Variants in USH2A observed in about 807,000 individuals in gnomAD.
USH2A encodes the protein usherin.
USH2A carries 443 observed loss-of-function variants against 538.9 expected under a neutral mutation model. The ratio of observed to expected loss-of-function variants is 0.82; its 90% CI spans 0.76 to 0.89. The LOEUF is 0.89. Among genes scored for constraint, USH2A ranks in the 40% least tolerant of loss-of-function variants. The pLI is 0.00. For missense variants in USH2A, 6,633 were observed against 6,324.8 expected, an observed-to-expected ratio of 1.05 and a Z score of -1.65; for synonymous variants, 2,413 against 2,273.5, an observed-to-expected ratio of 1.06 and a Z score of -1.75.
rs1656170350 is a variant in USH2A, at chr1:215,629,030, T to C, written c.15303A>G (p.Leu5101=). Reference sequence around the variant, plus strand: ...CAGACCGGGGAATTTTGGTATCGGCTAACCCCTGAGAAGGAAGTTGCTGTG... The same window carrying C: ...CAGACCGGGGAATTTTGGTATCGGCCAACCCCTGAGAAGGAAGTTGCTGTG... The part of the protein sequence containing the change: ...VYPPGENHMG[L]ADTKIPRSGT... Residue 5101 remains leucine, a synonymous_variant, in exon 71 of 72, where the codon TTA becomes TTG. Coordinates refer to ENST00000307340, the MANE Select transcript of USH2A (RefSeq NM_206933.4). The C allele has an allele frequency of 1.2e-6, 2 of 1,612,940 alleles. No individual in the cohort carries two copies. The highest frequency in any genetic ancestry group is 1.7e-6 in the Non-Finnish European group (2 of 1,180,024).
rs374409616 is a variant in USH2A, at chr1:215,998,981, G to T, written c.6563C>A (p.Thr2188Lys). Reference protein sequence around the residue: ...LYMSNHTHDFTIWSVIYNSTE... With the variant: ...LYMSNHTHDFKIWSVIYNSTE... ...ACTGTTATAGATGACACTCCAAATT[G>T]TAAAATCATGTGTATGGTTTGACAT... The change falls in exon 34 of 72, where the codon ACA becomes AAA. Residue 2188 changes from threonine to lysine, a missense_variant. Coordinates refer to ENST00000307340, the MANE Select transcript of USH2A (RefSeq NM_206933.4). 6.2e-6 allele frequency: 10 copies of T among 1,612,656 alleles called. No individual in the cohort carries two copies. The African/African-American group carries it at 1.2e-4, about 19-fold the overall frequency.
At chr1:215,795,649 C>A (rs898329431) in intron 50 of USH2A, among the ~76,000 whole-genome samples, 5 of 152,164 alleles carry the variant, frequency 3.3e-5, no homozygotes, top group Non-Finnish European at 7.4e-5. Flanking sequence ...GGAGGTAACA[C>A]TTTTGCACCC....
intron 34 of USH2A, among the ~76,000 whole-genome samples, chr1:215,995,137 CAACATAT>C (rs1240924020): frequency 6.6e-6 from 1 of 152,036 alleles, no homozygotes; most frequent in East Asian, 1.9e-4. Flanking sequence ...CTATACTATA[CAACATAT>C]AAGTATATAT....
intron 37 of USH2A, among the ~76,000 whole-genome samples, chr1:215,939,185 A>G (rs2102504017): frequency 6.6e-6 from 1 of 152,340 alleles, no homozygotes; most frequent in Admixed American, 6.5e-5. Flanking sequence ...CTCTGTCACT[A>G]TCTTTCCACT....
chr1:216,004,995 A>G (rs1218446174), intron 32 of USH2A, among the ~76,000 whole-genome samples: 1 of 152,162 alleles, frequency 6.6e-6, no homozygotes, highest in Admixed American at 6.5e-5. Context: ...AAGACCATTT[A>G]CCATGAGTGA....
At chr1:215,748,048 C>T (rs1295840210) in intron 58 of USH2A, among the ~76,000 whole-genome samples, 2 of 151,900 alleles carry the variant, frequency 1.3e-5, no homozygotes, top group African/African-American at 2.4e-5. Context: ...CCCGCCACCG[C>T]GCCCGGCTAA....
At chr1:215,761,002 C>T (rs1008434955) in intron 56 of USH2A, among the ~76,000 whole-genome samples, 2 of 152,060 alleles carry the variant, frequency 1.3e-5, no homozygotes, top group Admixed American at 6.6e-5. Context: ...CTTTTTGTGA[C>T]CCATATGGTC....
rs1347530761 is a variant in USH2A at position 215,680,187 on chromosome 1, G to A, written c.12256C>T (p.Gln4086Ter). The A allele has an allele frequency of 6.2e-7, 1 of 1,614,042 alleles. No homozygotes were observed. Among genetic ancestry groups the A allele is most frequent in the Non-Finnish European group, 8.5e-7 (1 of 1,180,028 alleles). Reference sequence around the variant, plus strand: ...TTGGTTCTCATAGGTTCTGACCACTGTAGTAGCAATGCCCGGCCATTCTCT... The same window carrying A: ...TTGGTTCTCATAGGTTCTGACCACTATAGTAGCAATGCCCGGCCATTCTCT... The part of the protein sequence containing the change: ...QKENGRALLL[Q>*]WSEPMRTNGV... Residue 4086 changes from glutamine (Q) to a stop codon, truncating the protein, a stop_gained, in exon 62 of 72, where the codon CAG becomes TAG. Coordinates refer to ENST00000307340, the MANE Select transcript of USH2A (RefSeq NM_206933.4). LOFTEE classifies it high-confidence loss of function.
chr1:215,847,310 GGA>G (rs760420679), intron 44 of USH2A, among the ~76,000 whole-genome samples: 1 of 152,110 alleles, frequency 6.6e-6, no homozygotes, highest in African/African-American at 2.4e-5. Context: ...GGATGGGGGT[GGA>G]GTGTTGGCTT....
intron 38 of USH2A, among the ~76,000 whole-genome samples, chr1:215,932,802 A>C (rs1316353091): frequency 6.6e-6 from 1 of 152,044 alleles, no homozygotes; most frequent in African/African-American, 2.4e-5. Flanking sequence ...AAAGATGAAG[A>C]TAAGCCTCAG....
intron 21 of USH2A, among the ~76,000 whole-genome samples, chr1:216,130,927 G>A (rs12127653): frequency 0.015 from 2,241 of 151,710 alleles, 33 homozygotes; most frequent in Non-Finnish European, 0.021. Context: ...TCTCACTAGC[G>A]GTGAAGAAAT....
At chr1:215,955,937 C>T (rs1667054363) in intron 37 of USH2A, among the ~76,000 whole-genome samples, 2 of 152,236 alleles carry the variant, frequency 1.3e-5, no homozygotes, top group South Asian at 2.1e-4. Context: ...TCCCTAGATT[C>T]CCACAGGAGA....
At chr1:216,152,085 C>G (rs919169088) in intron 21 of USH2A, among the ~76,000 whole-genome samples, 1 of 152,106 alleles carries the variant, frequency 6.6e-6, no homozygotes, top group African/African-American at 2.4e-5. Context: ...CGCCCCTAAT[C>G]GCACTTGAAG....
chr1:216,099,004 T>G (rs1248438527), intron 21 of USH2A, among the ~76,000 whole-genome samples: 1 of 152,174 alleles, frequency 6.6e-6, no homozygotes, highest in Non-Finnish European at 1.5e-5. Context: ...GAAGTTTGTA[T>G]AGAAGACAAA....
chr1:216,035,197 A>C (rs989230160), intron 32 of USH2A, among the ~76,000 whole-genome samples: 1 of 152,168 alleles, frequency 6.6e-6, no homozygotes, highest in African/African-American at 2.4e-5. Context: ...GTTCTCCCCA[A>C]AATTCATATG....
intron 41 of USH2A, 138 bp downstream of exon 41, chr1:215,888,288 G>A (rs917706337): frequency 1.5e-6 from 2 of 1,355,704 alleles, no homozygotes; most frequent in East Asian, 2.4e-5. Flanking sequence ...TGGGCCAAAG[G>A]CCAAAACCCA....
At chr1:215,925,076 A>C (rs183675336) in intron 38 of USH2A, among the ~76,000 whole-genome samples, 1 of 152,142 alleles carries the variant, frequency 6.6e-6, no homozygotes, top group Non-Finnish European at 1.5e-5. Flanking sequence ...ATGAAACAGG[A>C]ATTTATCCCT....
chr1:216,025,436 T>C (rs1302127216), intron 32 of USH2A, among the ~76,000 whole-genome samples: 1 of 151,132 alleles, frequency 6.6e-6, no homozygotes, highest in Non-Finnish European at 1.5e-5. Context: ...CCTTAAATTC[T>C]GTGATTAATG....
At chr1:215,824,407 T>C (rs1004521646) in intron 47 of USH2A, among the ~76,000 whole-genome samples, 2 of 152,058 alleles carry the variant, frequency 1.3e-5, no homozygotes, top group South Asian at 2.1e-4. Context: ...TGGCACTAGA[T>C]GGTGCCTCAG....
Sources: allele counts gnomAD v4.1 joint callset (sites outside exome capture counted in the v4.1 genomes callset), GRCh38; gene constraint gnomAD v4.1.1; transcripts MANE v1.5; gene names NCBI Gene and HGNC (gene_info 2026-07-23, HGNC 2026-07-21).